The following DLG2 variants were observed in gnomAD, a reference collection of about 807,000 sequenced individuals.
DLG2 encodes the protein disks large homolog 2.
A neutral mutation model predicts 132.5 loss-of-function variants in DLG2; 45 were observed. That is an observed-to-expected ratio of 0.34 (90% CI 0.27 to 0.44). DLG2 has a LOEUF of 0.44. Among genes scored for constraint, DLG2 ranks in the 20% least tolerant of loss-of-function variants. The probability of loss-of-function intolerance (pLI) is 1.00; values close to 1 mark genes in which losing one functional copy is unlikely to be tolerated. For synonymous variants in DLG2, 424 were observed against 419.6 expected (o/e 1.01, Z -0.13); for missense variants, 1,045 against 1,196.9 (o/e 0.87, Z 1.87).
chr11:85,212,376 T>C (rs1019102423), intron 4 of DLG2, among the ~76,000 whole-genome samples: 1 of 152,160 alleles, frequency 6.6e-6, no homozygotes, highest in African/African-American at 2.4e-5. Context: ...TAAGAAGCTA[T>C]GAAGGCAGAA....
At chr11:85,512,718 A>T (rs1598142256) in intron 3 of DLG2, among the ~76,000 whole-genome samples, 1 of 152,232 alleles carries the variant, frequency 6.6e-6, no homozygotes, top group East Asian at 1.9e-4. Flanking sequence ...TGCAGAAAAA[A>T]GGGAATGCTT....
At chr11:85,029,870 T>TTG (rs1033906744) in intron 6 of DLG2, among the ~76,000 whole-genome samples, 11 of 151,676 alleles carry the variant, frequency 7.3e-5, no homozygotes, top group East Asian at 3.9e-4. Context: ...TATGACTGGC[T>TTG]TGTGTGTGTG....
chr11:83,988,902 A>T (rs983589851), intron 11 of DLG2, among the ~76,000 whole-genome samples: 1 of 151,976 alleles, frequency 6.6e-6, no homozygotes, highest in African/African-American at 2.4e-5. Flanking sequence ...TCATCTACAT[A>T]TTTTGTTTAT....
chr11:85,605,872 G>A (rs2080495992), intron 2 of DLG2, among the ~76,000 whole-genome samples: 1 of 152,096 alleles, frequency 6.6e-6, no homozygotes, highest in South Asian at 2.1e-4. Context: ...CCAGCTACTT[G>A]GGAGGCTGAG....
Position 84,465,247 on chromosome 11 carries a change from C to A in DLG2, c.519+69323G>T, listed in dbSNP as rs528471214. On this transcript the variant is annotated intron_variant, in intron 7 of 27. Transcript: ENST00000376104. ...ATCCCTGGAAACCATGGCATGCCAA[C>A]CCACCAAGATCACAGAAGCAATTAA... Among the ~76,000 whole-genome samples, 29 of 151,220 alleles carry A rather than the reference C, an allele frequency of 1.9e-4. 1 individual carries two copies. In the South Asian group the frequency reaches 5.8e-3, roughly 30 times the overall value.
chr11:84,052,212 A>G (rs1191052362), intron 11 of DLG2, among the ~76,000 whole-genome samples: 1 of 151,960 alleles, frequency 6.6e-6, no homozygotes, highest in East Asian at 1.9e-4. Flanking sequence ...TTAGAAACAA[A>G]TTTATATAGA....
intron 18 of DLG2, among the ~76,000 whole-genome samples, chr11:83,762,860 C>A (rs1178338392): frequency 6.6e-6 from 1 of 152,180 alleles, no homozygotes; most frequent in Non-Finnish European, 1.5e-5. Flanking sequence ...GGATTACAGG[C>A]GTGAGCCAAT....
At chr11:83,799,088 C>T (rs1325257060) in intron 17 of DLG2, among the ~76,000 whole-genome samples, 1 of 152,168 alleles carries the variant, frequency 6.6e-6, no homozygotes. Context: ...CAAGGTGATA[C>T]ATAAACTAAC....
At chr11:83,751,499 T>C (rs2093307549) in intron 18 of DLG2, among the ~76,000 whole-genome samples, 1 of 152,116 alleles carries the variant, frequency 6.6e-6, no homozygotes, top group South Asian at 2.1e-4. Context: ...AAGGTGACCA[T>C]TAGGAGTCAG....
intron 17 of DLG2, among the ~76,000 whole-genome samples, chr11:83,811,447 A>G (rs577096065): frequency 6.6e-6 from 1 of 152,138 alleles, no homozygotes; most frequent in Admixed American, 6.6e-5. Context: ...TCAGCCTAAT[A>G]ACATTATTAA....
At chr11:85,244,395 A>G (rs2076037144) in intron 4 of DLG2, among the ~76,000 whole-genome samples, 1 of 152,010 alleles carries the variant, frequency 6.6e-6, no homozygotes, top group African/African-American at 2.4e-5. Flanking sequence ...TGCTCCAGTC[A>G]AATAGTCATC....
intron 4 of DLG2, among the ~76,000 whole-genome samples, chr11:85,284,898 C>T (rs1408769202): frequency 6.6e-6 from 1 of 151,814 alleles, no homozygotes; most frequent in African/African-American, 2.4e-5. Context: ...CTTCCCTATT[C>T]TACCATCCAT....
In DLG2 at chr11:83,881,601, ATAGT is replaced by A. The variant is rs959317562; in HGVS notation, c.1497-7117_1497-7114del. 2.6e-5 allele frequency among the ~76,000 whole-genome samples: 4 copies of A among 152,178 alleles called. No individual in the cohort carries two copies. The South Asian group carries it at 6.2e-4, about 24-fold the overall frequency. On this transcript the variant is annotated intron_variant, in intron 15 of 27. Transcript: ENST00000376104. ...TCATCACAGATCTCCCTCCAGTGTA[ATAGT>A]TAGTCCACAAGTTGCGCTGTTGAGC...
intron 6 of DLG2, among the ~76,000 whole-genome samples, chr11:84,809,091 G>T (rs2076291262): frequency 6.6e-6 from 1 of 151,950 alleles, no homozygotes; most frequent in Non-Finnish European, 1.5e-5. Context: ...TGGATACCAT[G>T]ATCAAGTGGA....
intron 7 of DLG2, among the ~76,000 whole-genome samples, chr11:84,443,469 T>C (rs138355733): frequency 0.016 from 2,492 of 152,314 alleles, 30 homozygotes; most frequent in Non-Finnish European, 0.026. Context: ...CCAGCTTTAA[T>C]GCTATTCATT....
intron 4 of DLG2, among the ~76,000 whole-genome samples, chr11:85,198,133 G>A (rs2081198986): frequency 6.6e-6 from 1 of 152,054 alleles, no homozygotes; most frequent in South Asian, 2.1e-4. Context: ...CAAAGGTACT[G>A]AGATTAGTGG....
At chr11:83,895,118 A>T (rs963475384) in intron 15 of DLG2, among the ~76,000 whole-genome samples, 3 of 151,264 alleles carry the variant, frequency 2.0e-5, no homozygotes, top group African/African-American at 7.3e-5. Flanking sequence ...GTGTATCAGG[A>T]AACATCATAT....
intron 16 of DLG2, among the ~76,000 whole-genome samples, chr11:83,857,331 A>G (rs1016359951): frequency 1.3e-5 from 2 of 152,156 alleles, no homozygotes; most frequent in African/African-American, 2.4e-5. Context: ...ATTTTAAAAT[A>G]GTTTTTTTCT....
At chr11:83,676,182 C>G (rs1398860445) in intron 18 of DLG2, among the ~76,000 whole-genome samples, 2 of 152,166 alleles carry the variant, frequency 1.3e-5, no homozygotes, top group Non-Finnish European at 2.9e-5. Flanking sequence ...AAAGTGAATT[C>G]TAGGAATCAT....
Sources: allele counts gnomAD v4.1 joint callset (sites outside exome capture counted in the v4.1 genomes callset), GRCh38; gene constraint gnomAD v4.1.1; transcripts MANE v1.5; gene names NCBI Gene and HGNC (gene_info 2026-07-23, HGNC 2026-07-21).